The following PRTFDC1 variants were observed in gnomAD, a reference collection of about 807,000 sequenced individuals.
The protein encoded by PRTFDC1 is phosphoribosyltransferase domain-containing protein 1.
In PRTFDC1, 38 loss-of-function variants were observed where a neutral mutation model predicts 34.6. The observed-to-expected ratio is 1.10, with a 90% confidence interval of 0.85 to 1.44. PRTFDC1 has a LOEUF of 1.44. PRTFDC1 is among the 40% of genes most tolerant of loss of function. The pLI is 0.00. For missense variants in PRTFDC1, 270 were observed against 283.0 expected (o/e 0.95, Z 0.33); for synonymous variants, 93 against 98.1 (o/e 0.95, Z 0.31).
chr10:24,862,105 G>A (rs1295748493), intron 4 of PRTFDC1, among the ~76,000 whole-genome samples: 1 of 152,136 alleles, frequency 6.6e-6, no homozygotes, highest in Admixed American at 6.5e-5. Flanking sequence ...ATGCTTAACT[G>A]TTTAAAGTAT....
At chr10:24,908,509 CTG>C in intron 3 of PRTFDC1, 1 of 1,612,374 alleles carries the variant, frequency 6.2e-7, no homozygotes, top group Non-Finnish European at 8.5e-7. Context: ...AGACCTAATT[CTG>C]CTCTGATCTT....
At chr10:24,947,009 G>A (rs751813726) in intron 1 of PRTFDC1, among the ~76,000 whole-genome samples, 65 of 152,132 alleles carry the variant, frequency 4.3e-4, no homozygotes, top group Non-Finnish European at 8.1e-4. Context: ...GTGTGATGGC[G>A]TGTGCCTGTA....
intron 3 of PRTFDC1, among the ~76,000 whole-genome samples, chr10:24,876,128 C>T (rs1847959221): frequency 6.6e-6 from 1 of 152,104 alleles, no homozygotes; most frequent in African/African-American, 2.4e-5. Context: ...CCTGCAGAGG[C>T]AGGCACTTTG....
At chr10:24,894,876 T>C (rs1848323601) in intron 3 of PRTFDC1, among the ~76,000 whole-genome samples, 1 of 151,904 alleles carries the variant, frequency 6.6e-6, no homozygotes, top group South Asian at 2.1e-4. Context: ...TGGCTCAGAG[T>C]GGGCATCAGG....
intron 3 of PRTFDC1, among the ~76,000 whole-genome samples, chr10:24,909,986 A>G (rs1444533300): frequency 8.5e-6 from 1 of 117,712 alleles, no homozygotes; most frequent in Non-Finnish European, 1.7e-5. Context: ...CCCTGTCTCT[A>G]TTAAAAATAC....
chr10:24,922,673 C>T (rs1049648257), intron 3 of PRTFDC1, among the ~76,000 whole-genome samples: 6 of 152,164 alleles, frequency 3.9e-5, no homozygotes, highest in East Asian at 3.8e-4. Flanking sequence ...TTTCCTGGGT[C>T]GCTTCCAAGA....
intron 3 of PRTFDC1, among the ~76,000 whole-genome samples, chr10:24,926,355 T>C (rs1375809759): frequency 6.6e-6 from 1 of 152,216 alleles, no homozygotes; most frequent in Non-Finnish European, 1.5e-5. Flanking sequence ...TACCTAATAC[T>C]TGGAGTTCTG....
chr10:24,935,611 GGT>G (rs111747112), intron 3 of PRTFDC1, among the ~76,000 whole-genome samples: 1,892 of 152,280 alleles, frequency 0.012, 42 homozygotes, highest in African/African-American at 0.043. Flanking sequence ...CTTGAGTGTG[GGT>G]AAGACTTGTA....
At chr10:24,858,854 G>A (rs1276042448) in intron 4 of PRTFDC1, among the ~76,000 whole-genome samples, 2 of 152,140 alleles carry the variant, frequency 1.3e-5, no homozygotes, top group African/African-American at 4.8e-5. Flanking sequence ...GCACAGCCAC[G>A]AAAATCCCTG....
At chr10:24,874,262 C>T (rs1035984266) in intron 3 of PRTFDC1, among the ~76,000 whole-genome samples, 42 of 152,002 alleles carry the variant, frequency 2.8e-4, no homozygotes, top group African/African-American at 1.0e-3. Context: ...AAAGGATATT[C>T]TGAATTTACA....
intron 1 of PRTFDC1, among the ~76,000 whole-genome samples, chr10:24,946,057 C>G (rs1364577229): frequency 1.3e-5 from 2 of 152,298 alleles, no homozygotes; most frequent in Admixed American, 6.5e-5. Flanking sequence ...ACCTTCCAGA[C>G]CACATGTACT....
intron 4 of PRTFDC1, among the ~76,000 whole-genome samples, chr10:24,871,645 T>TA (rs1847869147): frequency 7.5e-6 from 1 of 134,056 alleles, no homozygotes. Flanking sequence ...AGAGGATGGA[T>TA]GAAAAAAAAA....
At chr10:24,880,127 T>C (rs991648326) in intron 3 of PRTFDC1, among the ~76,000 whole-genome samples, 1 of 152,204 alleles carries the variant, frequency 6.6e-6, no homozygotes, top group Non-Finnish European at 1.5e-5. Flanking sequence ...CATAGGAGCA[T>C]AGGGAGGACT....
chr10:24,886,256 A>G (rs1182219549), intron 3 of PRTFDC1, among the ~76,000 whole-genome samples: 1 of 152,188 alleles, frequency 6.6e-6, no homozygotes, highest in Non-Finnish European at 1.5e-5. Flanking sequence ...TACCTCCCAG[A>G]CAGCTTTGCT....
chr10:24,851,542 T>C (rs1847490069), intron 7 of PRTFDC1, 78 bp from the exon 8 acceptor site: 1 of 1,557,246 alleles, frequency 6.4e-7, no homozygotes, highest in Non-Finnish European at 8.6e-7. Context: ...TATGCTGCTG[T>C]CGCCACTCAA....
intron 3 of PRTFDC1, among the ~76,000 whole-genome samples, chr10:24,920,398 T>C (rs1030070362): frequency 2.0e-5 from 3 of 152,198 alleles, no homozygotes; most frequent in African/African-American, 7.2e-5. Context: ...TAGGTGGAGC[T>C]TGAAGCCATT....
chr10:24,855,400 T>A (rs749611364), intron 6 of PRTFDC1, 36 bp from the exon 7 acceptor site: 1 of 1,606,560 alleles, frequency 6.2e-7, no homozygotes, highest in Non-Finnish European at 8.5e-7. Context: ...GTGAACCCAA[T>A]CAAATCTCTA....
intron 1 of PRTFDC1, among the ~76,000 whole-genome samples, chr10:24,943,652 T>G (rs1849206958): frequency 7.0e-6 from 1 of 143,764 alleles, no homozygotes; most frequent in Admixed American, 7.1e-5. Flanking sequence ...CAGGTTCAAC[T>G]GATTGTCCAG....
At chr10:24,937,639 C>T (rs1849076953) in intron 2 of PRTFDC1, among the ~76,000 whole-genome samples, 3 of 151,582 alleles carry the variant, frequency 2.0e-5, no homozygotes, top group Non-Finnish European at 4.4e-5. Context: ...CTCACTGCAA[C>T]CTCCACCTCC....
Sources: gnomAD v4.1 joint callset for allele counts (sites outside exome capture counted in the v4.1 genomes callset) on GRCh38, gnomAD v4.1.1 for gene constraint, MANE v1.5 for transcripts, NCBI Gene and HGNC (gene_info 2026-07-23, HGNC 2026-07-21) for gene names.